The following ZIM2 variants were observed in gnomAD, a reference collection of about 807,000 sequenced individuals.
ZIM2 encodes zinc finger protein 656.
Under a neutral mutation model 38.6 loss-of-function variants are expected in ZIM2, and 14 were observed. That is an observed-to-expected ratio of 0.36 (90% CI 0.24 to 0.57). The LOEUF is 0.57. ZIM2 is among the 20% of genes least tolerant of loss of function. The probability of loss-of-function intolerance (pLI) is 0.81; values close to 1 mark genes in which losing one functional copy is unlikely to be tolerated. For synonymous variants in ZIM2, 247 were observed against 245.8 expected, an observed-to-expected ratio of 1.00 and a Z score of -0.04; for missense variants, 680 against 695.1, an observed-to-expected ratio of 0.98 and a Z score of 0.24.
intron 9 of ZIM2, chr19:56,816,648 A>G (rs2060006989): frequency 6.2e-7 from 1 of 1,613,790 alleles, no homozygotes; most frequent in East Asian, 2.2e-5. Flanking sequence ...GTTCACGTTC[A>G]CGTTCATGTT....
intron 9 of ZIM2, among the ~76,000 whole-genome samples, chr19:56,809,816 A>T (rs1250777529): frequency 6.6e-6 from 1 of 152,184 alleles, no homozygotes; most frequent in Non-Finnish European, 1.5e-5. Context: ...AGTAACTAAG[A>T]TGTACTTGCG....
At chr19:56,825,304 C>A (rs573320370) in intron 3 of ZIM2, among the ~76,000 whole-genome samples, 11 of 152,340 alleles carry the variant, frequency 7.2e-5, no homozygotes, top group Middle Eastern at 3.4e-3. Context: ...TAAAAGTACT[C>A]AACTCTAGGT....
chr19:56,813,660 CT>C, intron 9 of ZIM2: 1 of 1,605,646 alleles, frequency 6.2e-7, no homozygotes, highest in Non-Finnish European at 8.5e-7. Flanking sequence ...GTTTTCTAAC[CT>C]TTACCCCATG....
Position 56,779,347 on chromosome 19 carries a change from T to C in ZIM2, c.835+30A>G, listed in dbSNP as rs754659869. On this transcript the variant is annotated intron_variant, in intron 12 of 12. Transcript: ENST00000629319. ...ACTAGCATTTACTGGTTCCCCCTCC[T>C]ACACCCCGGGCTTCCCCCTCACTAC... 4 of 1,610,476 alleles carry C rather than the reference T, an allele frequency of 2.5e-6. No homozygotes were observed. The highest frequency in any genetic ancestry group is 3.4e-6 in the Non-Finnish European group (4 of 1,177,654).
At position 56,797,534 on chromosome 19, in the gene ZIM2, TTGTTCTCTTA is replaced by T. The variant is rs2047292715; in HGVS notation, c.491-7593_491-7584del. ...TCTTTCTGTTTATTCCTGTTAGTGT[TTGTTCTCTTA>T]TGCCTGTGAAAACCTCCTACATGTC... On this transcript the variant is annotated intron_variant, in intron 9 of 12. Coordinates refer to ENST00000629319, the MANE Select transcript of ZIM2 (RefSeq NM_001387356.1). Among the ~76,000 whole-genome samples the T allele has an allele frequency of 2.0e-5, 3 of 152,206 alleles. No homozygotes were observed. The South Asian group carries it at 6.2e-4, about 32-fold the overall frequency.
At chr19:56,784,006 A>G (rs2046463143) in intron 10 of ZIM2, among the ~76,000 whole-genome samples, 1 of 152,256 alleles carries the variant, frequency 6.6e-6, no homozygotes, top group Non-Finnish European at 1.5e-5. Flanking sequence ...ACAGTTAATG[A>G]CAAAAATTGA....
chr19:56,801,442 C>G (rs1448718946), intron 9 of ZIM2, among the ~76,000 whole-genome samples: 1 of 152,138 alleles, frequency 6.6e-6, no homozygotes, highest in Non-Finnish European at 1.5e-5. Context: ...TATGATGCCC[C>G]TTCCAGCAGA....
At chr19:56,793,895 TTGAAG>T (rs2047065797) in intron 9 of ZIM2, among the ~76,000 whole-genome samples, 1 of 152,178 alleles carries the variant, frequency 6.6e-6, no homozygotes, top group Non-Finnish European at 1.5e-5. Flanking sequence ...CCTAAAGTGT[TTGAAG>T]TCAGAATAGT....
intron 9 of ZIM2, chr19:56,816,093 G>A (rs2059953026): frequency 6.2e-7 from 1 of 1,609,120 alleles, no homozygotes; most frequent in African/African-American, 1.3e-5. Context: ...CTTCCACAGA[G>A]GCTAAGCTAT....
chr19:56,800,934 C>A (rs1600796932), intron 9 of ZIM2, among the ~76,000 whole-genome samples: 2 of 135,996 alleles, frequency 1.5e-5, no homozygotes, highest in African/African-American at 5.4e-5. Context: ...GATGGTATTA[C>A]TTTTTTTTTT....
chr19:56,813,944 C>T, intron 9 of ZIM2: 2 of 1,614,140 alleles, frequency 1.2e-6, no homozygotes. Flanking sequence ...GGTTCTTCTA[C>T]CTGAATCTCT....
At chr19:56,778,843 AG>A (rs139572610) in intron 12 of ZIM2, among the ~76,000 whole-genome samples, 9 of 152,258 alleles carry the variant, frequency 5.9e-5, no homozygotes, top group African/African-American at 2.2e-4. Flanking sequence ...TAGAGTTTGG[AG>A]GAGGTGAAGT....
At chr19:56,839,012 G>A (rs145753491) in intron 1 of ZIM2, among the ~76,000 whole-genome samples, 2,107 of 148,942 alleles carry the variant, frequency 0.014, 20 homozygotes, top group Non-Finnish European at 0.023. Context: ...TCCGGGCAAC[G>A]CCTGCGCGGC....
In ZIM2 at chr19:56,828,426, A is replaced by ACC. The variant is rs1412948435; in HGVS notation, c.-226-1965_-226-1964dup. Among the ~76,000 whole-genome samples the ACC allele has an allele frequency of 5.3e-5, 8 of 152,158 alleles. No homozygotes were observed. The South Asian group carries it at 1.2e-3, about 24-fold the overall frequency. On this transcript the variant is annotated intron_variant, in intron 2 of 12. Coordinates refer to ENST00000629319, the MANE Select transcript of ZIM2 (RefSeq NM_001387356.1). ...TCCACTTCTGAAATCTAACTCACAG[A>ACC]CCCATCTGCCCATGTGCACAAAGAT...
At position 56,782,229 on chromosome 19, in the gene ZIM2, C is replaced by A. The variant is rs34246359; in HGVS notation, c.571-108G>T. The A allele has an allele frequency of 5.3e-3, 7,494 of 1,420,026 alleles. 41 individuals are homozygous for A. The highest frequency in any genetic ancestry group is 8.1e-3 in the South Asian group (598 of 73,644). The allele number at this position is 1,420,026 out of a possible 1,614,324, so 88.0% of individuals were successfully genotyped here. A position where few individuals can be genotyped will look rare whatever the true frequency, so the allele number is the denominator to read the frequency against. On this transcript the variant is annotated intron_variant, in intron 10 of 12. Coordinates refer to ENST00000629319, the MANE Select transcript of ZIM2 (RefSeq NM_001387356.1). ...TGCTCTAATCCAGAGCCACAGGCAC[C>A]TGGCATTGCATCTTTCTTTGTCTTA...
chr19:56,800,055 G>A (rs80079253), intron 9 of ZIM2, among the ~76,000 whole-genome samples: 10,573 of 152,226 alleles, frequency 0.069, 498 homozygotes, highest in Non-Finnish European at 0.1. Context: ...TTGATGAGGA[G>A]CAAGAGGGAA....
intron 9 of ZIM2, chr19:56,810,721 C>T (rs2048080484): frequency 2.0e-6 from 2 of 984,008 alleles, no homozygotes; most frequent in Admixed American, 1.2e-4. Context: ...AGACTTTATG[C>T]ACACATATTT....
At chr19:56,803,672 ATGGCAATAGTCCGT>A (rs2047631327) in intron 9 of ZIM2, among the ~76,000 whole-genome samples, 1 of 152,226 alleles carries the variant, frequency 6.6e-6, no homozygotes, top group African/African-American at 2.4e-5. Flanking sequence ...ACCAGCCCAC[ATGGCAATAGTCCGT>A]TGCTGAAGCC....
rs761123040 is a variant in ZIM2 at position 56,814,364 on chromosome 19, C to T, written c.490+3382G>A. ...GCTGCAGCTGCTGCTGCTTCATCTT[C>T]TTCTTCTTCTTCCAGATGAAGCTCC... On this transcript the variant is annotated intron_variant, in intron 9 of 12. Coordinates refer to ENST00000629319, the MANE Select transcript of ZIM2 (RefSeq NM_001387356.1). This position sits in a 1 kb window ranked among gnomAD's most constrained non-coding sequence, Gnocchi z 5.8. The T allele has an allele frequency of 1.2e-6, 2 of 1,613,868 alleles. No homozygotes were observed. Among genetic ancestry groups the T allele is most frequent in the East Asian group, 2.2e-5 (1 of 44,882 alleles).
Sources: gnomAD v4.1 joint callset for allele counts (sites outside exome capture counted in the v4.1 genomes callset) on GRCh38, gnomAD v4.1.1 for gene constraint, Gnocchi (gnomAD v3.1) non-coding constraint, MANE v1.5 for transcripts, NCBI Gene and HGNC (gene_info 2026-07-23, HGNC 2026-07-21) for gene names.